Variants in RBM39 observed in about 807,000 individuals in gnomAD.
RBM39 encodes RNA binding motif protein 39, also known as RNA-binding protein 39.
Under a neutral mutation model 79.6 loss-of-function variants are expected in RBM39, and 12 were observed. The observed-to-expected ratio is 0.15, with a 90% CI of 0.10 to 0.24. The LOEUF (loss-of-function observed/expected upper bound fraction) is 0.24, where lower values mean the gene tolerates loss of function less well. Among genes scored for constraint, RBM39 ranks in the 10% least tolerant of loss-of-function variants. The probability of loss-of-function intolerance (pLI) is 1.00; values close to 1 mark genes in which losing one functional copy is unlikely to be tolerated. For missense variants in RBM39, 243 were observed against 653.4 expected (o/e 0.37, Z 6.85); for synonymous variants, 185 against 208.4 (o/e 0.89, Z 0.97).
chr20:35,738,641 T>C (rs551207278), intron 3 of RBM39, among the ~76,000 whole-genome samples: 2 of 152,220 alleles, frequency 1.3e-5, no homozygotes, highest in East Asian at 1.9e-4. Flanking sequence ...TCAATGGATA[T>C]ATAACAGTTT....
Position 35,702,821 on chromosome 20 carries a change from G to C in RBM39, c.*1660C>G, listed in dbSNP as rs889878994. 7.0e-6 allele frequency: 1 copy of C among 143,406 alleles called. No homozygotes were observed. Among genetic ancestry groups the C allele is most frequent in the African/African-American group, 2.4e-5 (1 of 40,828 alleles). 8.9% of individuals were successfully genotyped at this position (143,406 alleles called of 1,614,324 possible). On this transcript the variant is annotated 3_prime_UTR_variant, in exon 17 of 17. Transcript: ENST00000253363. ...ACCTGTCCCAGCTCTTCAGGAGACT[G>C]AGGTGGGAGAATTGCTTGAACCTGG...
intron 2 of RBM39, chr20:35,739,926 T>C (rs2040346422): frequency 6.1e-6 from 1 of 162,996 alleles, no homozygotes; most frequent in Non-Finnish European, 1.4e-5. Context: ...AAGCTTACAG[T>C]TTGTGACACC....
At chr20:35,717,736 T>A (rs1442585291) in intron 9 of RBM39, among the ~76,000 whole-genome samples, 1 of 152,200 alleles carries the variant, frequency 6.6e-6, no homozygotes, top group East Asian at 1.9e-4. Flanking sequence ...AGGTCTGTAA[T>A]CCGAGCACTT....
At chr20:35,732,238 T>C in intron 3 of RBM39, 103 bp from the exon 4 acceptor site, 4 of 1,109,452 alleles carry the variant, frequency 3.6e-6, no homozygotes, top group Non-Finnish European at 5.3e-6. Context: ...CATAAATTTC[T>C]TTGGCTAGTT....
At chr20:35,719,564 C>T (rs540397692) in intron 9 of RBM39, among the ~76,000 whole-genome samples, 9 of 152,056 alleles carry the variant, frequency 5.9e-5, no homozygotes, top group South Asian at 2.1e-4. Context: ...GTAATCCCAG[C>T]TACTCAGGAG....
chr20:35,705,072 G>A (rs1209985844), intron 15 of RBM39, 153 bp downstream of exon 15: 4 of 627,870 alleles, frequency 6.4e-6, no homozygotes, highest in Admixed American at 3.4e-5. Context: ...ATTTTGGAGG[G>A]TTTATTTAGC....
Position 35,724,374 on chromosome 20 carries a change from G to C in RBM39, c.687+196C>G, listed in dbSNP as rs77053554. Among the ~76,000 whole-genome samples, 1,031 of 150,642 alleles carry C rather than the reference G, an allele frequency of 6.8e-3. 5 individuals carry two copies. Among genetic ancestry groups the C allele is most frequent in the African/African-American group, 0.013 (550 of 40,802 alleles). Reference sequence around the variant, plus strand: ...AAAATCATTACATTTCAAACACAAGGAGAAACGACAGGACGACAGTCTTGA... The same window carrying C: ...AAAATCATTACATTTCAAACACAAGCAGAAACGACAGGACGACAGTCTTGA... On this transcript the variant is annotated intron_variant, in intron 8 of 16. Coordinates refer to ENST00000253363, the MANE Select transcript of RBM39 (RefSeq NM_184234.3).
intron 8 of RBM39, 50 bp downstream of exon 8, chr20:35,724,520 A>C (rs778818649): frequency 1.5e-5 from 24 of 1,582,372 alleles, no homozygotes; most frequent in East Asian, 1.1e-4. Context: ...ATGCAACAGG[A>C]GGCTTTCAAC....
chr20:35,709,334 C>T, intron 12 of RBM39, 60 bp from the exon 13 acceptor site: 1 of 1,418,280 alleles, frequency 7.1e-7, no homozygotes, highest in Non-Finnish European at 9.6e-7. Flanking sequence ...GTCAGGAAAG[C>T]ATTAATAAAA....
intron 12 of RBM39, 102 bp downstream of exon 12, chr20:35,712,917 G>T: frequency 1.2e-6 from 1 of 864,152 alleles, no homozygotes; most frequent in Non-Finnish European, 1.8e-6. Context: ...ATAAGTACTT[G>T]ATGAATTGAA....
chr20:35,705,362 TA>T, intron 14 of RBM39, 32 bp from the exon 15 acceptor site: 2 of 1,139,568 alleles, frequency 1.8e-6, no homozygotes, highest in Non-Finnish European at 1.3e-6. Flanking sequence ...TCTTAAATAC[TA>T]TTGAAACTAA....
chr20:35,735,216 C>T (rs1194907289), intron 3 of RBM39: 34 of 1,253,784 alleles, frequency 2.7e-5, no homozygotes, highest in South Asian at 4.2e-5. Context: ...AAGAGCTTAA[C>T]GGAATGGACG....
intron 9 of RBM39, among the ~76,000 whole-genome samples, chr20:35,720,530 T>G (rs2037767389): frequency 6.6e-6 from 1 of 151,734 alleles, no homozygotes; most frequent in Non-Finnish European, 1.5e-5. Flanking sequence ...TCCCAGCACT[T>G]TAGGAGGCCG....
At chr20:35,726,850 C>T (rs994636981) in intron 6 of RBM39, among the ~76,000 whole-genome samples, 2 of 151,568 alleles carry the variant, frequency 1.3e-5, no homozygotes, top group African/African-American at 2.4e-5. Flanking sequence ...TTTTTGGAAA[C>T]GCAGTCTAGC....
chr20:35,714,774 G>A (rs1033817573), intron 10 of RBM39, among the ~76,000 whole-genome samples: 1 of 152,002 alleles, frequency 6.6e-6, no homozygotes, highest in African/African-American at 2.4e-5. Flanking sequence ...AATGTGCCCA[G>A]GGACAAAATA....
chr20:35,711,052 A>G (rs2036338140), intron 12 of RBM39, among the ~76,000 whole-genome samples: 1 of 152,212 alleles, frequency 6.6e-6, no homozygotes. Flanking sequence ...GGTAGAACTG[A>G]TATTTAACAG....
chr20:35,719,726 TA>T (rs1337727182), intron 9 of RBM39, among the ~76,000 whole-genome samples: 1 of 152,060 alleles, frequency 6.6e-6, no homozygotes, highest in African/African-American at 2.4e-5. Context: ...GTAATAAAAA[TA>T]ATTTAAATAT....
intron 4 of RBM39, 109 bp from the exon 5 acceptor site, chr20:35,729,636 C>T: frequency 1.0e-6 from 1 of 983,552 alleles, no homozygotes; most frequent in Non-Finnish European, 1.5e-6. Context: ...TGCTTTTCCA[C>T]CTCAGTTATG....
intron 3 of RBM39, chr20:35,734,726 A>T (rs913998940): frequency 1.7e-5 from 18 of 1,063,594 alleles, no homozygotes; most frequent in Non-Finnish European, 2.0e-5. Flanking sequence ...GCAGGTAAAA[A>T]GACAGCAACA....
Sources: allele counts gnomAD v4.1 joint callset (sites outside exome capture counted in the v4.1 genomes callset), GRCh38; gene constraint gnomAD v4.1.1; transcripts MANE v1.5; gene names NCBI Gene and HGNC (gene_info 2026-07-23, HGNC 2026-07-21).